The following PIK3C3 variants were observed in gnomAD, a reference collection of about 807,000 sequenced individuals.
PIK3C3 encodes the protein phosphatidylinositol 3-kinase catalytic subunit type 3.
A neutral mutation model predicts 126.1 loss-of-function variants in PIK3C3; 95 were observed. The ratio of observed to expected loss-of-function variants is 0.75; its 90% CI spans 0.64 to 0.89. The LOEUF is 0.89. Among genes scored for constraint, PIK3C3 ranks in the 40% least tolerant of loss-of-function variants. The probability of loss-of-function intolerance (pLI) is 0.00; values close to 1 mark genes in which losing one functional copy is unlikely to be tolerated. For synonymous variants in PIK3C3, 374 were observed against 360.0 expected, an observed-to-expected ratio of 1.04 and a Z score of -0.44; for missense variants, 829 against 1,063.2, an observed-to-expected ratio of 0.78 and a Z score of 3.06.
At chr18:42,075,110 A>G (rs1250477593) in intron 24 of PIK3C3, among the ~76,000 whole-genome samples, 1 of 152,208 alleles carries the variant, frequency 6.6e-6, no homozygotes, top group African/African-American at 2.4e-5. Flanking sequence ...TTGGAACATC[A>G]GGTTTTATCC....
chr18:42,040,589 C>A, intron 18 of PIK3C3, 88 bp from the exon 19 acceptor site: 1 of 868,976 alleles, frequency 1.2e-6, no homozygotes, highest in Non-Finnish European at 1.9e-6. Flanking sequence ...TGCATTTATT[C>A]AGAGATGAGG....
intron 6 of PIK3C3, among the ~76,000 whole-genome samples, chr18:41,991,440 A>G (rs1041596720): frequency 6.6e-6 from 1 of 152,192 alleles, no homozygotes. Flanking sequence ...ATAGTCAACA[A>G]ATGTTAAATC....
At chr18:42,039,317 C>T (rs114245500) in intron 18 of PIK3C3, among the ~76,000 whole-genome samples, 1,560 of 152,290 alleles carry the variant, frequency 0.01, 31 homozygotes, top group African/African-American at 0.034. Flanking sequence ...CCTCTGGCTA[C>T]TCCCAAATCT....
intron 21 of PIK3C3, chr18:42,050,269 C>T (rs1421203942): frequency 1.3e-5 from 2 of 152,190 alleles, no homozygotes; most frequent in African/African-American, 4.8e-5. Context: ...ACTTTAATAT[C>T]TACCTTTAAT....
At chr18:42,019,774 C>T (rs79979998) in intron 12 of PIK3C3, among the ~76,000 whole-genome samples, 3,731 of 152,236 alleles carry the variant, frequency 0.025, 74 homozygotes, top group Non-Finnish European at 0.035. Context: ...GTATGTCTGA[C>T]AGGCATTTTG....
At chr18:42,037,921 A>G in intron 17 of PIK3C3, 101 bp downstream of exon 17, 1 of 1,119,234 alleles carries the variant, frequency 8.9e-7, no homozygotes, top group Non-Finnish European at 1.3e-6. Context: ...TGTAACATTC[A>G]GGTACGATCC....
At chr18:41,963,003 A>G (rs1340513829) in intron 3 of PIK3C3, among the ~76,000 whole-genome samples, 2 of 152,196 alleles carry the variant, frequency 1.3e-5, no homozygotes, top group Non-Finnish European at 2.9e-5. Flanking sequence ...AGGATTAAAA[A>G]GCATTCATTA....
intron 24 of PIK3C3, among the ~76,000 whole-genome samples, chr18:42,072,799 T>C (rs2144528647): frequency 6.6e-6 from 1 of 152,220 alleles, no homozygotes; most frequent in Admixed American, 6.5e-5. Context: ...GCCTTTTGAG[T>C]GCTGGGATTA....
chr18:41,988,208 C>A (rs79762567), intron 5 of PIK3C3, among the ~76,000 whole-genome samples: 1 of 152,104 alleles, frequency 6.6e-6, no homozygotes, highest in Non-Finnish European at 1.5e-5. Context: ...TTCAAGTCAG[C>A]GTTGGATAAA....
intron 5 of PIK3C3, among the ~76,000 whole-genome samples, chr18:41,989,997 G>A (rs1300126877): frequency 6.6e-6 from 1 of 152,048 alleles, no homozygotes; most frequent in African/African-American, 2.4e-5. Context: ...AACTCAAATG[G>A]CCTCTGTTCT....
intron 8 of PIK3C3, 42 bp downstream of exon 8, chr18:41,996,036 G>A: frequency 7.7e-7 from 1 of 1,306,726 alleles, no homozygotes; most frequent in Non-Finnish European, 1.1e-6. Flanking sequence ...TAGTTAAATG[G>A]GTGTTCTGGT....
chr18:42,075,702 A>G (rs1179632168), intron 24 of PIK3C3, among the ~76,000 whole-genome samples: 1 of 149,438 alleles, frequency 6.7e-6, no homozygotes, highest in African/African-American at 2.4e-5. Flanking sequence ...TAAATACATA[A>G]TATACATTTA....
chr18:41,990,271 C>T (rs1328539290), intron 5 of PIK3C3, among the ~76,000 whole-genome samples, 188 bp from the exon 6 acceptor site: 1 of 152,050 alleles, frequency 6.6e-6, no homozygotes, highest in East Asian at 1.9e-4. Context: ...AACAGTAGTG[C>T]TGTCTATAAT....
At chr18:42,037,937 A>G (rs917084929) in intron 17 of PIK3C3, 117 bp downstream of exon 17, 1 of 931,410 alleles carries the variant, frequency 1.1e-6, no homozygotes, top group Non-Finnish European at 1.6e-6. Context: ...GATCCTAGAA[A>G]GCTCAACAGT....
intron 2 of PIK3C3, among the ~76,000 whole-genome samples, chr18:41,958,644 A>ATCTG (rs569967531): frequency 1.1e-4 from 17 of 152,090 alleles, no homozygotes; most frequent in Non-Finnish European, 1.8e-4. Context: ...GTGGAGAGAT[A>ATCTG]TCTGTCTGTC....
intron 24 of PIK3C3, among the ~76,000 whole-genome samples, chr18:42,076,160 A>ATG (rs1491108243): frequency 0.012 from 1,243 of 102,402 alleles, 89 homozygotes; most frequent in African/African-American, 0.064. Context: ...ATATATATAT[A>ATG]TGCACATATA....
chr18:41,999,418 T>C (rs773194366), intron 9 of PIK3C3, among the ~76,000 whole-genome samples: 3 of 152,178 alleles, frequency 2.0e-5, no homozygotes, highest in Admixed American at 6.6e-5. Flanking sequence ...GAGTCATGTA[T>C]AGTGAAGATA....
chr18:42,034,693 A>G (rs751558388), intron 16 of PIK3C3, among the ~76,000 whole-genome samples: 1 of 152,202 alleles, frequency 6.6e-6, no homozygotes, highest in Non-Finnish European at 1.5e-5. Context: ...CAAAGGCCAG[A>G]GCATCATTAT....
At chr18:41,975,648 G>T (rs1022002306) in intron 4 of PIK3C3, among the ~76,000 whole-genome samples, 1 of 151,724 alleles carries the variant, frequency 6.6e-6, no homozygotes, top group Non-Finnish European at 1.5e-5. Context: ...GAAGGAGCTG[G>T]AAAGGTTTCT....
Sources: gnomAD v4.1 joint callset for allele counts (sites outside exome capture counted in the v4.1 genomes callset) on GRCh38, gnomAD v4.1.1 for gene constraint, MANE v1.5 for transcripts, NCBI Gene and HGNC (gene_info 2026-07-23, HGNC 2026-07-21) for gene names.